ABTB2: variants seen among roughly 807,000 people sequenced by gnomAD.
The protein encoded by ABTB2 is ankyrin repeat and BTB domain containing 2.
In ABTB2, 56 loss-of-function variants were observed where a neutral mutation model predicts 104.1. The observed-to-expected ratio is 0.54, with a 90% CI of 0.43 to 0.67. ABTB2 has a LOEUF of 0.67. Among genes scored for constraint, ABTB2 ranks in the 30% least tolerant of loss-of-function variants. ABTB2 has a pLI of 0.00. For synonymous variants in ABTB2, 606 were observed against 608.2 expected (o/e 1.00, Z 0.05); for missense variants, 1,279 against 1,407.7 (o/e 0.91, Z 1.46).
intron 1 of ABTB2, among the ~76,000 whole-genome samples, chr11:34,321,206 A>G (rs1854997775): frequency 6.6e-6 from 1 of 152,148 alleles, no homozygotes; most frequent in African/African-American, 2.4e-5. Context: ...CAAACAAAAA[A>G]AGATGTTTTA....
At position 34,357,224 on chromosome 11, in the gene ABTB2, G is replaced by C; in HGVS notation, c.360C>G (p.Phe120Leu). The C allele has an allele frequency of 1.3e-6, 2 of 1,510,932 alleles. No individual in the cohort carries two copies. Among genetic ancestry groups the C allele is most frequent in the Non-Finnish European group, 8.8e-7 (1 of 1,135,910 alleles). 93.6% of individuals were successfully genotyped at this position (1,510,932 alleles called of 1,614,324 possible). Reference sequence around the variant, plus strand: ...CCAGGCGCCTCACCGCCTCGGCGGAGAACTGGGGCAGCCGCCGGCCGCCAG... The same window carrying C: ...CCAGGCGCCTCACCGCCTCGGCGGACAACTGGGGCAGCCGCCGGCCGCCAG... ...KGAGGRRLPQ[F>L]SAEAVRRLAG... is the part of the protein sequence containing the mutation. Residue 120 changes from phenylalanine (F) to leucine (L), a missense_variant, in exon 1 of 17, where the codon TTC (phenylalanine) becomes TTG (leucine). Transcript: ENST00000435224.
At chr11:34,295,485 T>A (rs1390062334) in intron 1 of ABTB2, among the ~76,000 whole-genome samples, 2 of 152,082 alleles carry the variant, frequency 1.3e-5, no homozygotes, top group East Asian at 3.8e-4. Flanking sequence ...ACAAAGTCAG[T>A]AGTTGAATGT....
chr11:34,206,596 T>G (rs565708539), intron 1 of ABTB2, among the ~76,000 whole-genome samples: 3 of 152,328 alleles, frequency 2.0e-5, no homozygotes, highest in African/African-American at 7.2e-5. Context: ...AGCTCACTCA[T>G]GGCTGTCCTT....
intron 1 of ABTB2, among the ~76,000 whole-genome samples, chr11:34,317,693 C>T (rs117588271): frequency 0.043 from 6,214 of 143,920 alleles, 184 homozygotes; most frequent in Non-Finnish European, 0.062. Flanking sequence ...GCCTGGGAGG[C>T]GGAGGTTGCA....
chr11:34,356,806 C>A lies in ABTB2; in HGVS notation c.778G>T (p.Gly260Trp). ...HSPDGGGAGGGEVSAEALEMV... is the reference protein window; with the variant it reads ...HSPDGGGAGGWEVSAEALEMV... ...TCCAGGGCCTCAGCAGACACCTCCC[C>A]GCCTCCGGCCCCTCCGCCATCAGGG... Residue 260 changes from glycine to tryptophan, a missense_variant, in exon 1 of 17, where the codon GGG becomes TGG. Gly to Trp is a radical substitution (Grantham distance 184). Transcript: ENST00000435224. This position sits in a 1 kb window ranked among gnomAD's most constrained non-coding sequence, Gnocchi z 4.6. 1 of 1,607,782 alleles carries A rather than the reference C, an allele frequency of 6.2e-7. No individual in the cohort carries two copies.
At chr11:34,220,657 T>G (rs1194110275) in intron 1 of ABTB2, among the ~76,000 whole-genome samples, 1 of 152,130 alleles carries the variant, frequency 6.6e-6, no homozygotes, top group Non-Finnish European at 1.5e-5. Context: ...TCTCTCGCAG[T>G]CTCACCCAGC....
chr11:34,288,600 T>TG (rs1254397332), intron 1 of ABTB2, among the ~76,000 whole-genome samples: 1 of 151,896 alleles, frequency 6.6e-6, no homozygotes, highest in Admixed American at 6.6e-5. Flanking sequence ...ATTAGTCTCT[T>TG]GGTTGTTTTC....
intron 1 of ABTB2, among the ~76,000 whole-genome samples, chr11:34,294,740 G>A (rs1223994076): frequency 6.7e-6 from 1 of 149,442 alleles, no homozygotes; most frequent in Non-Finnish European, 1.5e-5. Flanking sequence ...TTTTGAGACC[G>A]AGTCTCATTC....
intron 1 of ABTB2, among the ~76,000 whole-genome samples, chr11:34,262,549 A>T (rs182005812): frequency 1.3e-5 from 2 of 152,108 alleles, no homozygotes; most frequent in East Asian, 3.9e-4. Flanking sequence ...GTCCAATTAC[A>T]CCTCCAGCAA....
rs370579783 is a variant in ABTB2 at position 34,229,121 on chromosome 11, GA to G, written c.884-24432del. On this transcript the variant is annotated intron_variant, in intron 1 of 16. Transcript: ENST00000435224. Reference sequence around the variant, plus strand: ...GGAGACAGAGCAAGACTCCGTCTTGGAAAAAAAAAAAAAAGAGAAAAAAGAA... The same window carrying G: ...GGAGACAGAGCAAGACTCCGTCTTGGAAAAAAAAAAAAAGAGAAAAAAGAA... Among the ~76,000 whole-genome samples the G allele has an allele frequency of 7.0e-4, 73 of 103,756 alleles. 1 individual carries two copies. The highest frequency in any genetic ancestry group is 1.4e-3 in the African/African-American group (40 of 27,610). The allele number at this position is 103,756 out of a possible 152,430, so 68.1% of individuals were successfully genotyped here.
chr11:34,224,621 C>T (rs59715897), intron 1 of ABTB2, among the ~76,000 whole-genome samples: 2,615 of 152,244 alleles, frequency 0.017, 76 homozygotes, highest in African/African-American at 0.06. Context: ...AGGGTGGCCT[C>T]CAACACATAA....
At chr11:34,257,997 A>G (rs1302037646) in intron 1 of ABTB2, among the ~76,000 whole-genome samples, 2 of 152,112 alleles carry the variant, frequency 1.3e-5, no homozygotes, top group Non-Finnish European at 2.9e-5. Flanking sequence ...ATGCTACCCC[A>G]GTCTCCCTGA....
rs1852550266 is a variant in ABTB2, at chr11:34,152,116, G to C, written c.*271C>G. On this transcript the variant is annotated 3_prime_UTR_variant, in exon 17 of 17. Coordinates refer to ENST00000435224, the MANE Select transcript of ABTB2 (RefSeq NM_145804.3). ...TGCAGGAGGGGAGAGCGACACCCCGGGGGAGTGCATGGCTGCCCTTGAGTT... is the reference window on the plus strand; with the variant it reads ...TGCAGGAGGGGAGAGCGACACCCCGCGGGAGTGCATGGCTGCCCTTGAGTT... 2.1e-6 allele frequency: 1 copy of C among 472,538 alleles called. No homozygotes were observed. The highest frequency in any genetic ancestry group is 2.2e-5 in the South Asian group (1 of 45,356). The allele number at this position is 472,538 out of a possible 1,614,324, so 29.3% of individuals were successfully genotyped here.
At chr11:34,269,450 C>G (rs1269151823) in intron 1 of ABTB2, among the ~76,000 whole-genome samples, 1 of 152,200 alleles carries the variant, frequency 6.6e-6, no homozygotes, top group African/African-American at 2.4e-5. Context: ...GGGATTCAGC[C>G]TCTGCCCCTC....
At chr11:34,204,204 A>C (rs1307490043) in intron 2 of ABTB2, among the ~76,000 whole-genome samples, 1 of 152,142 alleles carries the variant, frequency 6.6e-6, no homozygotes, top group Admixed American at 6.5e-5. Flanking sequence ...AGGTGAAATT[A>C]ATGAAACAGC....
chr11:34,171,975 C>T (rs1341045448), intron 4 of ABTB2, among the ~76,000 whole-genome samples: 1 of 152,088 alleles, frequency 6.6e-6, no homozygotes, highest in African/African-American at 2.4e-5. Context: ...GGTCTGGAGC[C>T]TTGGTTGGGC....
intron 1 of ABTB2, among the ~76,000 whole-genome samples, chr11:34,296,912 A>G (rs1253297541): frequency 6.6e-6 from 1 of 152,172 alleles, no homozygotes; most frequent in African/African-American, 2.4e-5. Context: ...GAAGAAGAAA[A>G]TGTTTTGGTT....
chr11:34,340,464 T>C (rs180888280), intron 1 of ABTB2, among the ~76,000 whole-genome samples: 188 of 152,298 alleles, frequency 1.2e-3, no homozygotes, highest in African/African-American at 4.3e-3. Flanking sequence ...GTTAAATAAT[T>C]AGCTATATGA....
chr11:34,208,568 A>C (rs1164132350), intron 1 of ABTB2, among the ~76,000 whole-genome samples: 2 of 152,104 alleles, frequency 1.3e-5, no homozygotes, highest in African/African-American at 4.8e-5. Context: ...GACTGTGCTG[A>C]AGCCTCAACA....
Sources: allele counts gnomAD v4.1 joint callset (sites outside exome capture counted in the v4.1 genomes callset), GRCh38; gene constraint gnomAD v4.1.1; non-coding constraint Gnocchi (gnomAD v3.1); transcripts MANE v1.5; gene names NCBI Gene and HGNC (gene_info 2026-07-23, HGNC 2026-07-21).